CAPN3: variants seen among roughly 807,000 people sequenced by gnomAD.
CAPN3 encodes the protein calpain 3, also known as calpain-3.
In CAPN3, 88 loss-of-function variants were observed where a neutral mutation model predicts 114.0. That is an observed-to-expected ratio of 0.77 (90% CI 0.65 to 0.92). The LOEUF (loss-of-function observed/expected upper bound fraction) is 0.92. Ranked by LOEUF, CAPN3 falls within the 40% of genes least tolerant of loss-of-function variation. The pLI is 0.00. For synonymous variants in CAPN3, 386 were observed against 382.9 expected (o/e 1.01, Z -0.09); for missense variants, 1,028 against 1,069.0 (o/e 0.96, Z 0.53).
At chr15:42,408,147 C>T in intron 15 of CAPN3, 64 bp from the exon 16 acceptor site, 3 of 1,051,592 alleles carry the variant, frequency 2.9e-6, no homozygotes, top group Non-Finnish European at 4.5e-6. Context: ...AGAGGTGCTG[C>T]CTCAGTGTGC....
intron 8 of CAPN3, among the ~76,000 whole-genome samples, chr15:42,395,952 C>T (rs1363844392): frequency 2.0e-5 from 3 of 152,220 alleles, no homozygotes; most frequent in African/African-American, 7.2e-5. Context: ...ACTGCCCAGC[C>T]TTTAGAAGCA....
intron 4 of CAPN3, among the ~76,000 whole-genome samples, chr15:42,388,684 G>A (rs931245106): frequency 6.6e-6 from 1 of 151,974 alleles, no homozygotes; most frequent in African/African-American, 2.4e-5. Context: ...GGGGATAGCT[G>A]GGTTTCAATC....
At chr15:42,389,925 G>A (rs1010282102) in intron 5 of CAPN3, 28 bp from the exon 6 acceptor site, 18 of 1,613,120 alleles carry the variant, frequency 1.1e-5, no homozygotes, top group Non-Finnish European at 1.4e-5. Flanking sequence ...CCCCTGTGTT[G>A]TTCCCTACAT....
chr15:42,379,140 C>T lies in CAPN3; in HGVS notation c.310-5343C>T, dbSNP rs143918890. 4.9e-3 allele frequency among the ~76,000 whole-genome samples: 750 copies of T among 152,046 alleles called. 2 individuals are homozygous for T. The highest frequency in any genetic ancestry group is 0.017 in the African/African-American group (720 of 41,462). On this transcript the variant is annotated intron_variant, in intron 1 of 23. Transcript: ENST00000397163. ...CAGCCTGACCAACATGATGAAACTC[C>T]GTCTCTACTAAAAATACAAAAATTA...
chr15:42,411,478 G>A (rs2054231472), intron 23 of CAPN3, 133 bp downstream of exon 23: 1 of 913,942 alleles, frequency 1.1e-6, no homozygotes, highest in African/African-American at 1.6e-5. Flanking sequence ...AACAGAACAT[G>A]GAGGGAGGCT....
At chr15:42,368,451 CAGTT>C (rs1323019324) in intron 1 of CAPN3, among the ~76,000 whole-genome samples, 1 of 152,132 alleles carries the variant, frequency 6.6e-6, no homozygotes, top group Non-Finnish European at 1.5e-5. Context: ...AAGTTATAGT[CAGTT>C]GGCTGTGAGT....
intron 6 of CAPN3, among the ~76,000 whole-genome samples, chr15:42,391,754 T>C (rs1462966832): frequency 6.6e-6 from 1 of 152,182 alleles, no homozygotes; most frequent in Non-Finnish European, 1.5e-5. Context: ...GGCACGGTCA[T>C]GTCTGAGCAG....
chr15:42,402,048 G>T, intron 11 of CAPN3, 76 bp from the exon 12 acceptor site: 1 of 1,589,926 alleles, frequency 6.3e-7, no homozygotes, highest in African/African-American at 1.3e-5. Context: ...GCGGGCTGCA[G>T]TTGCTGGCAT....
At chr15:42,411,375 A>C (rs770302287) in intron 23 of CAPN3, 30 bp downstream of exon 23, 4 of 1,598,722 alleles carry the variant, frequency 2.5e-6, no homozygotes, top group Non-Finnish European at 8.6e-7. Context: ...CATTCCCCCT[A>C]CACATTAAAA....
chr15:42,408,379 T>C, intron 16 of CAPN3, 55 bp downstream of exon 16: 2 of 1,112,442 alleles, frequency 1.8e-6, no homozygotes, highest in South Asian at 1.2e-5. Flanking sequence ...GGGCTTCCTA[T>C]GCGCTTGGGA....
chr15:42,411,596 G>C, intron 23 of CAPN3, 151 bp from the exon 24 acceptor site: 2 of 734,438 alleles, frequency 2.7e-6, no homozygotes, highest in South Asian at 1.5e-5. Context: ...TAGGAGAAAG[G>C]AAACAGTAAG....
rs2053977867 is a variant in CAPN3, at chr15:42,404,991, C to A, written c.1783-935C>A. ...CAGGCAGGTGCAGGGGTTTTGATGT[C>A]CCTGCACTGACACAGTTGTCTGCAG... On this transcript the variant is annotated intron_variant, in intron 14 of 23. Transcript: ENST00000397163. 3 of 991,070 alleles carry A rather than the reference C, an allele frequency of 3.0e-6. No homozygotes were observed. The African/African-American group carries it at 5.2e-5, about 17-fold the overall frequency. 61.4% of individuals were successfully genotyped at this position (991,070 alleles called of 1,614,324 possible).
intron 8 of CAPN3, among the ~76,000 whole-genome samples, chr15:42,395,089 G>T (rs1174724415): frequency 6.6e-6 from 1 of 152,102 alleles, no homozygotes; most frequent in Non-Finnish European, 1.5e-5. Flanking sequence ...TATACTGCTG[G>T]GTACTTCTTA....
intron 4 of CAPN3, among the ~76,000 whole-genome samples, chr15:42,388,433 G>A (rs930998857): frequency 6.6e-6 from 1 of 152,164 alleles, no homozygotes; most frequent in African/African-American, 2.4e-5. Flanking sequence ...AGCCTCCCAA[G>A]TAGCTGGGAC....
chr15:42,373,889 G>A (rs1338688513), intron 1 of CAPN3, among the ~76,000 whole-genome samples: 2 of 152,192 alleles, frequency 1.3e-5, no homozygotes, highest in Non-Finnish European at 2.9e-5. Flanking sequence ...AAGGCCCCAT[G>A]CTATAGCCCT....
chr15:42,368,736 T>G (rs1566968759), intron 1 of CAPN3, among the ~76,000 whole-genome samples: 1 of 152,220 alleles, frequency 6.6e-6, no homozygotes. Flanking sequence ...TTCTTAAATA[T>G]TACAGCTTGA....
intron 15 of CAPN3, 75 bp downstream of exon 15, chr15:42,406,018 T>TGTGAGCATA: frequency 7.8e-7 from 1 of 1,282,664 alleles, no homozygotes; most frequent in South Asian, 1.2e-5. Context: ...AGTGTGCATG[T>TGTGAGCATA]GTGAGCTCAT....
intron 9 of CAPN3, among the ~76,000 whole-genome samples, chr15:42,397,501 G>A (rs28364472): frequency 0.069 from 10,478 of 152,104 alleles, 1,135 homozygotes; most frequent in African/African-American, 0.23. Context: ...AAAAGTAGCC[G>A]GGCGTGGCAG....
intron 1 of CAPN3, among the ~76,000 whole-genome samples, chr15:42,380,367 T>G (rs1157248007): frequency 7.8e-6 from 1 of 128,568 alleles, no homozygotes; most frequent in African/African-American, 3.3e-5. Flanking sequence ...TTCTTTTTTG[T>G]CTTTTTTTTT....
Sources: gnomAD v4.1 joint callset for allele counts (sites outside exome capture counted in the v4.1 genomes callset) on GRCh38, gnomAD v4.1.1 for gene constraint, MANE v1.5 for transcripts, NCBI Gene and HGNC (gene_info 2026-07-23, HGNC 2026-07-21) for gene names.